Variants in ZNF493 observed in about 807,000 individuals in gnomAD.
The protein encoded by ZNF493 is zinc finger protein 493.
ZNF493 carries 11 observed loss-of-function variants against 12.2 expected under a neutral mutation model. That is an observed-to-expected ratio of 0.90 (90% CI 0.57 to 1.50). ZNF493 has a LOEUF of 1.50. Among genes scored for constraint, ZNF493 ranks in the 40% most tolerant of loss-of-function variants. ZNF493 has a pLI of 0.00. For synonymous variants in ZNF493, 286 were observed against 302.6 expected (o/e 0.95, Z 0.57); for missense variants, 950 against 906.6 (o/e 1.05, Z -0.61).
intron 3 of ZNF493, among the ~76,000 whole-genome samples, chr19:21,410,526 A>G (rs945911341): frequency 5.9e-5 from 9 of 152,000 alleles, no homozygotes; most frequent in Admixed American, 5.2e-4. Context: ...ATTTTGTTCA[A>G]TTATTTGCTC....
intron 3 of ZNF493, among the ~76,000 whole-genome samples, chr19:21,422,495 C>G (rs1022839614): frequency 7.6e-6 from 1 of 132,176 alleles, no homozygotes; most frequent in Admixed American, 8.5e-5. Flanking sequence ...TGTATTCTCA[C>G]TCTGTTCCCC....
rs62110427 is a variant in ZNF493, at chr19:21,427,378, C to T, written c.*2394C>T. 0.14 allele frequency: 21,496 copies of T among 154,374 alleles called. 1,993 individuals carry two copies. Among genetic ancestry groups the T allele is most frequent in the Non-Finnish European group, 0.21 (14,326 of 67,996 alleles). The allele number at this position is 154,374 out of a possible 1,614,324, so 9.6% of individuals were successfully genotyped here. A position where few individuals can be genotyped will look rare whatever the true frequency, so the allele number is the denominator to read the frequency against. Reference sequence around the variant, plus strand: ...TATGTATACATGTGCCATGCTGGTGCGCTGCACCCACTAACTCGTCATCTA... The same window carrying T: ...TATGTATACATGTGCCATGCTGGTGTGCTGCACCCACTAACTCGTCATCTA... On this transcript the variant is annotated 3_prime_UTR_variant, in exon 4 of 4. Transcript: ENST00000392288.
chr19:21,425,284 G>T lies in ZNF493; in HGVS notation c.*300G>T. The T allele has an allele frequency of 2.1e-6, 1 of 467,870 alleles. No homozygotes were observed. The highest frequency in any genetic ancestry group is 4.1e-6 in the Non-Finnish European group (1 of 246,288). 29.0% of individuals were successfully genotyped at this position (467,870 alleles called of 1,614,324 possible). The stretch of plus-strand genomic sequence containing the variant: ...GAGAAATCCTACAAATATGAAGAAT[G>T]TGACAAAGCTTTTAACCACTTCTCA... On this transcript the variant is annotated 3_prime_UTR_variant, in exon 4 of 4. Transcript: ENST00000392288.
At chr19:21,403,724 C>T (rs1270413936) in intron 1 of ZNF493, among the ~76,000 whole-genome samples, 2 of 152,120 alleles carry the variant, frequency 1.3e-5, no homozygotes, top group African/African-American at 4.8e-5. Flanking sequence ...GATTGCCATG[C>T]GTTTAGTCCT....
Position 21,426,622 on chromosome 19 carries a change from G to T in ZNF493, c.*1638G>T, listed in dbSNP as rs1423083940. The T allele has an allele frequency of 3.0e-5, 5 of 166,760 alleles. No individual in the cohort carries two copies. Among genetic ancestry groups the T allele is most frequent in the Non-Finnish European group, 1.5e-5 (1 of 68,052 alleles). The allele number at this position is 166,760 out of a possible 1,614,324, so 10.3% of individuals were successfully genotyped here. ...TCACTCAAACTTTGTTCAACATCAG[G>T]GAATTTATATTGGAGAGCTGTCTTG... is the stretch of plus-strand genomic sequence containing the variant. On this transcript the variant is annotated 3_prime_UTR_variant, in exon 4 of 4. Transcript: ENST00000392288.
At chr19:21,407,847 C>T (rs947482047) in intron 3 of ZNF493, 9 of 985,140 alleles carry the variant, frequency 9.1e-6, no homozygotes, top group Non-Finnish European at 7.2e-6. Context: ...GCTTCCAGTG[C>T]TATGTTAAAA....
At chr19:21,397,578 G>A in intron 1 of ZNF493, 2 of 552,944 alleles carry the variant, frequency 3.6e-6, no homozygotes, top group East Asian at 2.9e-5. Flanking sequence ...GGTCATCAGG[G>A]GAGAATCCTG....
intron 1 of ZNF493, among the ~76,000 whole-genome samples, chr19:21,402,002 C>G (rs922127543): frequency 6.6e-6 from 1 of 151,926 alleles, no homozygotes; most frequent in African/African-American, 2.4e-5. Context: ...GAGTCTCGCT[C>G]TGTCACCCAG....
At chr19:21,410,060 G>GTATGTATA (rs1555730611) in intron 3 of ZNF493, among the ~76,000 whole-genome samples, 1 of 43,966 alleles carries the variant, frequency 2.3e-5, no homozygotes, top group African/African-American at 6.6e-5. Context: ...TTCATTGTGT[G>GTATGTATA]TATATATATA....
intron 3 of ZNF493, among the ~76,000 whole-genome samples, chr19:21,421,947 G>C (rs1404398555): frequency 1.3e-5 from 2 of 152,108 alleles, no homozygotes; most frequent in Middle Eastern, 3.2e-3. Flanking sequence ...CCAGATTCAA[G>C]CAATTCTCCT....
rs117633619 is a variant in ZNF493, at chr19:21,427,432, G to A, written c.*2448G>A. 52 of 152,356 alleles carry A rather than the reference G, an allele frequency of 3.4e-4. No homozygotes were observed. Among genetic ancestry groups the A allele is most frequent in the African/African-American group, 1.1e-3 (45 of 41,456 alleles). The allele number at this position is 152,356 out of a possible 1,614,324, so 9.4% of individuals were successfully genotyped here. On this transcript the variant is annotated 3_prime_UTR_variant, in exon 4 of 4. Coordinates refer to ENST00000392288, the MANE Select transcript of ZNF493 (RefSeq NM_001076678.3). ...TTAGGTATATCTCCCAATGCTATCC[G>A]TCCCCCCTCCCCCCAATTGTACTTT...
At chr19:21,405,309 C>T (rs1361778654) in intron 2 of ZNF493, 54 bp downstream of exon 2, 2 of 1,561,970 alleles carry the variant, frequency 1.3e-6, no homozygotes, top group East Asian at 4.5e-5. Flanking sequence ...TTTCATTTCT[C>T]TGTTTTCATA....
In ZNF493 at chr19:21,423,724, C is replaced by G. The variant is rs1445224674; in HGVS notation, c.1065C>G (p.Cys355Trp). Residue 355 changes from cysteine to tryptophan, a missense_variant, in exon 4 of 4, where the codon TGC becomes TGG. By Grantham distance (215) the Cys-to-Trp change is radical. Coordinates refer to ENST00000392288, the MANE Select transcript of ZNF493 (RefSeq NM_001076678.3). ...EEKSHRCEEY[C>W]KAYKESSHLT... ...AATCCCACAGATGTGAAGAATATTG[C>G]AAAGCTTATAAGGAGTCCTCACACC... is the stretch of plus-strand genomic sequence containing the variant. 6.2e-7 allele frequency: 1 copy of G among 1,613,560 alleles called. No individual in the cohort carries two copies. The highest frequency in any genetic ancestry group is 1.1e-5 in the South Asian group (1 of 91,066).
At chr19:21,416,556 G>A (rs1342050533) in intron 3 of ZNF493, among the ~76,000 whole-genome samples, 1 of 152,136 alleles carries the variant, frequency 6.6e-6, no homozygotes, top group African/African-American at 2.4e-5. Flanking sequence ...TTGAAATGTT[G>A]ACTCCTGTAT....
Position 21,426,457 on chromosome 19 carries a change from T to C in ZNF493, c.*1473T>C, listed in dbSNP as rs1297628752. On this transcript the variant is annotated 3_prime_UTR_variant, in exon 4 of 4. Transcript: ENST00000392288. ...AGTGCAATTACTGCCAAAAGATCTT[T>C]CAGAAAATATTATCCTTTAAAGTGA... 1 of 167,762 alleles carries C rather than the reference T, an allele frequency of 6.0e-6. No homozygotes were observed. Among genetic ancestry groups the C allele is most frequent in the Admixed American group, 6.5e-5 (1 of 15,358 alleles). The allele number at this position is 167,762 out of a possible 1,614,324, so 10.4% of individuals were successfully genotyped here. A position where few individuals can be genotyped will look rare whatever the true frequency, so the allele number is the denominator to read the frequency against.
intron 1 of ZNF493, among the ~76,000 whole-genome samples, chr19:21,403,299 G>GT (rs2030006810): frequency 6.6e-6 from 1 of 152,234 alleles, no homozygotes; most frequent in Non-Finnish European, 1.5e-5. Context: ...TGCACTAAAA[G>GT]GTGGTCACAG....
At position 21,423,326 on chromosome 19, in the gene ZNF493, T is replaced by C; in HGVS notation, c.667T>C (p.Ser223Pro). The C allele has an allele frequency of 6.2e-7, 1 of 1,613,760 alleles. No individual in the cohort carries two copies. Residue 223 changes from serine to proline, a missense_variant, in exon 4 of 4, where the codon TCA becomes CCA. Physicochemically the swap from Ser to Pro is moderately conservative, Grantham distance 74 (BLOSUM62 -1). Transcript: ENST00000392288. ...EECGKAFIWF[S>P]TLTRHRRVHT... The stretch of plus-strand genomic sequence containing the variant: ...ATGTGGCAAAGCCTTTATCTGGTTT[T>C]CAACCCTTACTAGACACAGGAGAGT...
chr19:21,411,593 G>A (rs112199629), intron 3 of ZNF493, among the ~76,000 whole-genome samples: 3,836 of 151,756 alleles, frequency 0.025, 148 homozygotes, highest in African/African-American at 0.087. Flanking sequence ...GGTGGCGTGC[G>A]CCTGTAGTCC....
At chr19:21,407,825 A>G in intron 3 of ZNF493, 1 of 985,320 alleles carries the variant, frequency 1.0e-6, no homozygotes, top group Non-Finnish European at 1.2e-6. Flanking sequence ...TTTTTTCATT[A>G]TTCTGCCACA....
Sources: allele counts gnomAD v4.1 joint callset (sites outside exome capture counted in the v4.1 genomes callset), GRCh38; gene constraint gnomAD v4.1.1; transcripts MANE v1.5; gene names NCBI Gene and HGNC (gene_info 2026-07-23, HGNC 2026-07-21).